Variants in BZW2 observed in about 807,000 individuals in gnomAD.
BZW2 encodes eIF5-mimic protein 1.
A neutral mutation model predicts 53.2 loss-of-function variants in BZW2; 23 were observed. The ratio of observed to expected loss-of-function variants is 0.43; its 90% confidence interval spans 0.31 to 0.61. BZW2 has a LOEUF of 0.61. Ranked by LOEUF, BZW2 falls within the 20% of genes least tolerant of loss-of-function variation. BZW2 has a pLI of 0.09. For synonymous variants in BZW2, 227 were observed against 186.4 expected (o/e 1.22, Z -1.77); for missense variants, 409 against 503.1 (o/e 0.81, Z 1.79).
At chr7:16,653,347 AAAC>A (rs764533505) in intron 1 of BZW2, among the ~76,000 whole-genome samples, 1 of 152,204 alleles carries the variant, frequency 6.6e-6, no homozygotes, top group Non-Finnish European at 1.5e-5. Context: ...GAAGAGAGGC[AAAC>A]ACTTCAACAC....
chr7:16,660,386 C>T (rs1255387898), intron 1 of BZW2, among the ~76,000 whole-genome samples: 2 of 141,548 alleles, frequency 1.4e-5, no homozygotes, highest in Admixed American at 1.5e-4. Flanking sequence ...GGTGACAGAG[C>T]GAGACTCCAT....
At chr7:16,694,142 A>G (rs1478014077) in intron 7 of BZW2, among the ~76,000 whole-genome samples, 1 of 152,228 alleles carries the variant, frequency 6.6e-6, no homozygotes, top group Non-Finnish European at 1.5e-5. Flanking sequence ...CAAACTGTGT[A>G]GGGTAAAATG....
chr7:16,682,614 C>T (rs552687866), intron 4 of BZW2, among the ~76,000 whole-genome samples, 166 bp from the exon 5 acceptor site: 1 of 152,188 alleles, frequency 6.6e-6, no homozygotes, highest in South Asian at 2.1e-4. Flanking sequence ...TCCCCTAGGT[C>T]ATGATAGCAT....
intron 1 of BZW2, among the ~76,000 whole-genome samples, chr7:16,653,403 A>G (rs1251442086): frequency 6.6e-6 from 1 of 152,172 alleles, no homozygotes; most frequent in East Asian, 1.9e-4. Flanking sequence ...CCACTGGAGT[A>G]ATAGTCACCA....
rs781140838 is a variant in BZW2, at chr7:16,665,397, C to G, written c.-7-40C>G. 2.5e-6 allele frequency: 4 copies of G among 1,611,876 alleles called. No homozygotes were observed. In the South Asian group the frequency reaches 4.4e-5, roughly 18 times the overall value. ...GGCCATATGTTTTCCATATAAACTGCTTATCTGAAATACATAATCTTTATT... is the reference window on the plus strand; with the variant it reads ...GGCCATATGTTTTCCATATAAACTGGTTATCTGAAATACATAATCTTTATT... On this transcript the variant is annotated intron_variant, in intron 1 of 11. Transcript: ENST00000258761.
At chr7:16,649,647 C>T (rs1781942057) in intron 1 of BZW2, among the ~76,000 whole-genome samples, 1 of 151,826 alleles carries the variant, frequency 6.6e-6, no homozygotes, top group African/African-American at 2.4e-5. Context: ...ACTTTTTTTC[C>T]TTAGACTTAG....
At chr7:16,693,894 C>G (rs1028300636) in intron 7 of BZW2, among the ~76,000 whole-genome samples, 6 of 152,178 alleles carry the variant, frequency 3.9e-5, no homozygotes, top group African/African-American at 1.2e-4. Flanking sequence ...TAGGAGCCCT[C>G]CAGCTGTGTT....
intron 1 of BZW2, among the ~76,000 whole-genome samples, chr7:16,663,978 A>C (rs1782342989): frequency 6.6e-6 from 1 of 152,208 alleles, no homozygotes; most frequent in Non-Finnish European, 1.5e-5. Flanking sequence ...AAAAAGATAA[A>C]AAATCTATTA....
intron 1 of BZW2, among the ~76,000 whole-genome samples, chr7:16,646,716 T>C (rs1583692652): frequency 6.6e-6 from 1 of 152,128 alleles, no homozygotes. Flanking sequence ...CGGGAGAAGG[T>C]AGTTTTTACG....
chr7:16,666,683 T>G (rs1782438372), intron 2 of BZW2, among the ~76,000 whole-genome samples: 1 of 152,110 alleles, frequency 6.6e-6, no homozygotes, highest in South Asian at 2.1e-4. Flanking sequence ...GGCTTATTTA[T>G]TTTTGAAATA....
At position 16,689,793 on chromosome 7, in the gene BZW2, A is replaced by C. The variant is rs752449068; in HGVS notation, c.542-4A>C. Reference sequence around the variant, plus strand: ...GAATGAAATTCTCTTTTGTTTTTCAACAGGCATTGCGGCCTCATTTGCTGT... The same window carrying C: ...GAATGAAATTCTCTTTTGTTTTTCACCAGGCATTGCGGCCTCATTTGCTGT... On this transcript the variant is annotated splice_polypyrimidine_tract_variant and splice_region_variant and intron_variant, in intron 6 of 11. Transcript: ENST00000258761. 1 of 1,597,858 alleles carries C rather than the reference A, an allele frequency of 6.3e-7. No homozygotes were observed. Among genetic ancestry groups the C allele is most frequent in the Non-Finnish European group, 8.5e-7 (1 of 1,170,654 alleles).
At chr7:16,650,897 T>G (rs1399088512) in intron 1 of BZW2, among the ~76,000 whole-genome samples, 1 of 152,232 alleles carries the variant, frequency 6.6e-6, no homozygotes, top group Non-Finnish European at 1.5e-5. Context: ...CTATCTATTT[T>G]GAAAATAAAG....
chr7:16,647,248 G>C (rs1251914298), intron 1 of BZW2, among the ~76,000 whole-genome samples: 1 of 152,192 alleles, frequency 6.6e-6, no homozygotes, highest in East Asian at 1.9e-4. Context: ...TCCCTACAGA[G>C]TAGTATTGAT....
intron 5 of BZW2, 50 bp downstream of exon 5, chr7:16,682,895 G>T (rs775680728): frequency 1.1e-5 from 15 of 1,325,736 alleles, no homozygotes; most frequent in Non-Finnish European, 1.5e-5. Context: ...TGACATGGGG[G>T]TGGATAAAAA....
At position 16,646,247 on chromosome 7, in the gene BZW2, G is replaced by A; in HGVS notation, c.-49G>A. 1 of 313,724 alleles carries A rather than the reference G, an allele frequency of 3.2e-6. No homozygotes were observed. The highest frequency in any genetic ancestry group is 6.5e-6 in the Non-Finnish European group (1 of 154,076). 19.4% of individuals were successfully genotyped at this position (313,724 alleles called of 1,614,324 possible). A position where few individuals can be genotyped will look rare whatever the true frequency, so the allele number is the denominator to read the frequency against. On this transcript the variant is annotated 5_prime_UTR_variant, in exon 1 of 12. Coordinates refer to ENST00000258761, the MANE Select transcript of BZW2 (RefSeq NM_014038.3). Reference sequence around the variant, plus strand: ...TGCCGCTGCTGCTGCACGAATCGCCGCAGCCCCCAGCCTTGCGCGTCGTCG... The same window carrying A: ...TGCCGCTGCTGCTGCACGAATCGCCACAGCCCCCAGCCTTGCGCGTCGTCG...
chr7:16,689,320 T>G (rs1228073112), intron 6 of BZW2, among the ~76,000 whole-genome samples: 1 of 152,232 alleles, frequency 6.6e-6, no homozygotes, highest in Non-Finnish European at 1.5e-5. Context: ...GTAGCAATAC[T>G]TATTGTATCT....
intron 1 of BZW2, among the ~76,000 whole-genome samples, chr7:16,655,954 T>C (rs1248283193): frequency 1.3e-5 from 2 of 152,114 alleles, no homozygotes; most frequent in Non-Finnish European, 2.9e-5. Flanking sequence ...TCAGTATTTA[T>C]TCTGTAAAAA....
chr7:16,706,427 G>A lies in BZW2; in HGVS notation c.*339G>A, dbSNP rs113075480. On this transcript the variant is annotated 3_prime_UTR_variant, in exon 12 of 12. Coordinates refer to ENST00000258761, the MANE Select transcript of BZW2 (RefSeq NM_014038.3). ...GTACTGTGTGGTGACCGCCCCACTG[G>A]TGTCTATTACAGGCCACTTTGGTAG... 1.4e-5 allele frequency: 3 copies of A among 222,190 alleles called. No homozygotes were observed. The highest frequency in any genetic ancestry group is 4.6e-5 in the African/African-American group (2 of 43,748). The allele number at this position is 222,190 out of a possible 1,614,324, so 13.8% of individuals were successfully genotyped here. A position where few individuals can be genotyped will look rare whatever the true frequency, so the allele number is the denominator to read the frequency against.
intron 1 of BZW2, among the ~76,000 whole-genome samples, chr7:16,648,841 A>T (rs1781925861): frequency 6.6e-6 from 1 of 152,122 alleles, no homozygotes. Flanking sequence ...GATCTGATGA[A>T]CTATTCAACT....
Sources: allele counts gnomAD v4.1 joint callset (sites outside exome capture counted in the v4.1 genomes callset), GRCh38; gene constraint gnomAD v4.1.1; transcripts MANE v1.5; gene names NCBI Gene and HGNC (gene_info 2026-07-23, HGNC 2026-07-21).